TSPOAP1: variants seen among roughly 807,000 people sequenced by gnomAD.
TSPOAP1 encodes the protein TSPO associated protein 1.
In TSPOAP1, 87 loss-of-function variants were observed where a neutral mutation model predicts 197.0. The ratio of observed to expected loss-of-function variants is 0.44; its 90% CI spans 0.37 to 0.53. TSPOAP1 has a LOEUF of 0.53. TSPOAP1 is among the 20% of genes least tolerant of loss of function. The pLI, the probability that TSPOAP1 is intolerant of heterozygous loss-of-function variation, is 0.00. For synonymous variants in TSPOAP1, 913 were observed against 998.9 expected (o/e 0.91, Z 1.62); for missense variants, 2,174 against 2,411.3 (o/e 0.90, Z 2.06).
In TSPOAP1 at chr17:58,318,307, G is replaced by C. The variant is rs200804917; in HGVS notation, c.1845C>G (p.Asn615Lys). Residue 615 changes from asparagine to lysine, a missense_variant, in exon 14 of 32, where the codon AAC becomes AAG. By Grantham distance (94) the Asn-to-Lys change is moderately conservative. This residue lies in a region of TSPOAP1 where 1,933 missense variants were observed against 2,139.0 expected (regional missense o/e 0.90). Transcript: ENST00000343736. Reference sequence around the variant, plus strand: ...CAGGTGTAGGGCATGACTTGGGGCTGTTGTGGATGGACTCGGAGTGGGAGG... The same window carrying C: ...CAGGTGTAGGGCATGACTTGGGGCTCTTGTGGATGGACTCGGAGTGGGAGG... ...SNSSHSESIH[N>K]SPKSCPTPEV... 10 of 1,614,112 alleles carry C rather than the reference G, an allele frequency of 6.2e-6. No homozygotes were observed. Among genetic ancestry groups the C allele is most frequent in the Non-Finnish European group, 8.5e-6 (10 of 1,180,036 alleles).
In TSPOAP1 at chr17:58,301,513, G is replaced by T. The variant is rs1340044315; in HGVS notation, c.*967C>A. The T allele has an allele frequency of 6.5e-6, 1 of 152,698 alleles. No homozygotes were observed. The highest frequency in any genetic ancestry group is 1.5e-5 in the Non-Finnish European group (1 of 68,076). The allele number at this position is 152,698 out of a possible 1,614,324, so 9.5% of individuals were successfully genotyped here. A position where few individuals can be genotyped will look rare whatever the true frequency, so the allele number is the denominator to read the frequency against. ...CCCTGGACTCCAACAGGGGTTAGAA[G>T]AAAACTATGCAAAAGAACTTGAATC... On this transcript the variant is annotated 3_prime_UTR_variant, in exon 32 of 32. Transcript: ENST00000343736.
At position 58,316,483 on chromosome 17, in the gene TSPOAP1, C is replaced by G. The variant is rs980739742; in HGVS notation, c.1930G>C (p.Ala644Pro). ...CCTCCCCGGCTGCCCTCTGGCGCAGCTGGGAGCAGGGAGACACTGTCTGCC... is the reference window on the plus strand; with the variant it reads ...CCTCCCCGGCTGCCCTCTGGCGCAGGTGGGAGCAGGGAGACACTGTCTGCC... ...LEADSVSLLP[A>P]APEGSRGGAR... Residue 644 changes from alanine (A) to proline (P), a missense_variant, in exon 15 of 32, where the codon GCT becomes CCT. This residue lies in a region of TSPOAP1 where 1,933 missense variants were observed against 2,139.0 expected (regional missense o/e 0.90). Coordinates refer to ENST00000343736, the MANE Select transcript of TSPOAP1 (RefSeq NM_004758.4). The G allele has an allele frequency of 1.2e-6, 2 of 1,613,844 alleles. No homozygotes were observed. The highest frequency in any genetic ancestry group is 8.5e-7 in the Non-Finnish European group (1 of 1,179,848).
rs1459674268 is a variant in TSPOAP1 at position 58,326,388 on chromosome 17, C to T, written c.475G>A (p.Val159Met). 2.5e-6 allele frequency: 4 copies of T among 1,613,988 alleles called. No individual in the cohort carries two copies. The highest frequency in any genetic ancestry group is 1.1e-5 in the South Asian group (1 of 91,084). ...GCGTTCTTCCTCTTCAGCCTCCGCA[C>T]CTTCTCTTCTGTCTCAGGGAAGCTG... Reference protein sequence around the residue: ...KSSFPETEEKVRRLKRKNAEL... With the variant: ...KSSFPETEEKMRRLKRKNAEL... Residue 159 changes from valine (V) to methionine (M), a missense_variant, in exon 3 of 32, where the codon GTG becomes ATG. Val to Met is a conservative substitution (Grantham distance 21). This residue lies in a region of TSPOAP1 where 1,933 missense variants were observed against 2,139.0 expected (regional missense o/e 0.90). Coordinates refer to ENST00000343736, the MANE Select transcript of TSPOAP1 (RefSeq NM_004758.4). The surrounding 1 kb of genome is among the most constrained non-coding windows in gnomAD (Gnocchi z 4.7).
In TSPOAP1 at chr17:58,326,768, C is replaced by A; in HGVS notation, c.356G>T (p.Gly119Val). The change falls in exon 2 of 32, where the codon GGG becomes GTG. Residue 119 changes from glycine to valine, a missense_variant. Physicochemically the swap from Gly to Val is moderately radical, Grantham distance 109. This residue lies in a region of TSPOAP1 where 1,933 missense variants were observed against 2,139.0 expected (regional missense o/e 0.90). Transcript: ENST00000343736. The surrounding 1 kb of genome is among the most constrained non-coding windows in gnomAD (Gnocchi z 4.7). The part of the protein sequence containing the change: ...FLKAKLNMSF[G>V]DRPNLELLRA... ...CAGCAGCTCCAGATTGGGCCTGTCC[C>A]CAAAGCTCATATTCAGCTTGGCCTG... is the stretch of plus-strand genomic sequence containing the variant. The A allele has an allele frequency of 1.2e-6, 2 of 1,614,088 alleles. No homozygotes were observed. Among genetic ancestry groups the A allele is most frequent in the Non-Finnish European group, 1.7e-6 (2 of 1,180,004 alleles).
chr17:58,320,687 A>G, intron 10 of TSPOAP1, 106 bp from the exon 11 acceptor site: 1 of 850,056 alleles, frequency 1.2e-6, no homozygotes, highest in Non-Finnish European at 1.7e-6. Context: ...CAGGGGAGGA[A>G]GAAGCCGGGA....
chr17:58,304,698 G>A lies in TSPOAP1; in HGVS notation c.5545-299C>T. 1 of 570,118 alleles carries A rather than the reference G, an allele frequency of 1.8e-6. No individual in the cohort carries two copies. The highest frequency in any genetic ancestry group is 2.1e-5 in the South Asian group (1 of 48,506). The allele number at this position is 570,118 out of a possible 1,614,324, so 35.3% of individuals were successfully genotyped here. On this transcript the variant is annotated intron_variant, in intron 30 of 31. Coordinates refer to ENST00000343736, the MANE Select transcript of TSPOAP1 (RefSeq NM_004758.4). This position sits in a 1 kb window ranked among gnomAD's most constrained non-coding sequence, Gnocchi z 4.2. ...CTTCCAAAGGCACCTGGGAGGTATG[G>A]AGACCACCCCCAGGGTGGGAGTGTC...
intron 16 of TSPOAP1, among the ~76,000 whole-genome samples, chr17:58,314,305 C>T (rs1971153601): frequency 6.6e-6 from 1 of 152,230 alleles, no homozygotes; most frequent in South Asian, 2.1e-4. Flanking sequence ...CGCCCAAAAA[C>T]ATGTCCATGT....
intron 10 of TSPOAP1, 94 bp from the exon 11 acceptor site, chr17:58,320,675 G>T: frequency 2.0e-6 from 2 of 997,756 alleles, no homozygotes; most frequent in Non-Finnish European, 2.7e-6. Flanking sequence ...AAAGGACAGA[G>T]GCAGGGGAGG....
Position 58,326,966 on chromosome 17 carries a change from A to C in TSPOAP1, c.334-176T>G, listed in dbSNP as rs539555386. 1.1e-4 allele frequency among the ~76,000 whole-genome samples: 16 copies of C among 152,216 alleles called. No individual in the cohort carries two copies. The highest frequency in any genetic ancestry group is 8.5e-4 in the Admixed American group (13 of 15,296). On this transcript the variant is annotated intron_variant, in intron 1 of 31. Coordinates refer to ENST00000343736, the MANE Select transcript of TSPOAP1 (RefSeq NM_004758.4). The surrounding 1 kb of genome is among the most constrained non-coding windows in gnomAD (Gnocchi z 4.7). ...GGAGGCCTAGGAGAAGGAACTGTCC[A>C]GTCCTCCCTGTCCACATAGACACCC...
rs1567850302 is a variant in TSPOAP1 at position 58,323,557 on chromosome 17, CA to C, written c.943-13del. ...TCCTGGGGCGTGGCCTGGAAATGCC[CA>C]GGGGCAAGGGGCTGGCACCTGAGAA... On this transcript the variant is annotated splice_polypyrimidine_tract_variant and intron_variant, in intron 5 of 31. Coordinates refer to ENST00000343736, the MANE Select transcript of TSPOAP1 (RefSeq NM_004758.4). 1 of 1,612,760 alleles carries C rather than the reference CA, an allele frequency of 6.2e-7. No individual in the cohort carries two copies. The highest frequency in any genetic ancestry group is 8.5e-7 in the Non-Finnish European group (1 of 1,179,246).
intron 13 of TSPOAP1, 129 bp from the exon 14 acceptor site, chr17:58,318,581 TAG>T (rs1367792795): frequency 2.2e-6 from 2 of 913,634 alleles, no homozygotes; most frequent in Non-Finnish European, 1.6e-6. Flanking sequence ...GGGAAATATT[TAG>T]AGAGAAACTT....
At chr17:58,305,716 C>T in intron 27 of TSPOAP1, 73 bp from the exon 28 acceptor site, 3 of 1,437,614 alleles carry the variant, frequency 2.1e-6, no homozygotes, top group Non-Finnish European at 1.9e-6. Context: ...CTGCCCCGGA[C>T]CCCTGCTGAC....
At chr17:58,319,971 C>G (rs113383109) in intron 12 of TSPOAP1, 138 bp downstream of exon 12, 3 of 1,157,384 alleles carry the variant, frequency 2.6e-6, no homozygotes, top group Admixed American at 1.9e-5. Context: ...GGGAACTCCA[C>G]CCCCTATGGA....
chr17:58,327,869 G>C lies in TSPOAP1; in HGVS notation c.52C>G (p.Pro18Ala). The C allele has an allele frequency of 6.2e-7, 1 of 1,611,336 alleles. No individual in the cohort carries two copies. Among genetic ancestry groups the C allele is most frequent in the South Asian group, 1.1e-5 (1 of 91,040 alleles). ...CTATGCCAGGTGGGCAGTGCCCATG[G>C]CTCCATGGCTCCAGGGTCCCCAGGC... ...PRPGDPGAME[P>A]WALPTWHSWT... Residue 18 changes from proline (P) to alanine (A), a missense_variant, in exon 1 of 32, where the codon CCA (proline) becomes GCA (alanine). Transcript: ENST00000343736.
chr17:58,307,963 T>C, intron 22 of TSPOAP1, 22 bp from the exon 23 acceptor site: 1 of 1,594,378 alleles, frequency 6.3e-7, no homozygotes, highest in Non-Finnish European at 8.5e-7. Flanking sequence ...GGGCAACAGA[T>C]GGCAAAAGTA....
At position 58,324,756 on chromosome 17, in the gene TSPOAP1, G is replaced by C; in HGVS notation, c.942+55C>G. ...CGGTGCAGGGGAGATCCCGGTGGTC[G>C]TTCCCCCCACCCATCTGCACGCACC... On this transcript the variant is annotated intron_variant, in intron 5 of 31. Coordinates refer to ENST00000343736, the MANE Select transcript of TSPOAP1 (RefSeq NM_004758.4). This position sits in a 1 kb window ranked among gnomAD's most constrained non-coding sequence, Gnocchi z 5.8. The C allele has an allele frequency of 7.3e-7, 1 of 1,369,734 alleles. No individual in the cohort carries two copies. The highest frequency in any genetic ancestry group is 1.5e-5 in the South Asian group (1 of 64,644). The allele number at this position is 1,369,734 out of a possible 1,614,324, so 84.8% of individuals were successfully genotyped here. A position where few individuals can be genotyped will look rare whatever the true frequency, so the allele number is the denominator to read the frequency against.
rs564561347 is a variant in TSPOAP1 at position 58,324,435 on chromosome 17, G to A, written c.942+376C>T. On this transcript the variant is annotated intron_variant, in intron 5 of 31. Transcript: ENST00000343736. This position sits in a 1 kb window ranked among gnomAD's most constrained non-coding sequence, Gnocchi z 5.8. ...CTGGCCAGCCAGGCGGGCGCTGACG[G>A]GGGCGTCCCCGCTCTACGGCGGCGG... Among the ~76,000 whole-genome samples, 1 of 151,988 alleles carries A rather than the reference G, an allele frequency of 6.6e-6. No individual in the cohort carries two copies. Among genetic ancestry groups the A allele is most frequent in the Non-Finnish European group, 1.5e-5 (1 of 67,952 alleles).
At position 58,319,141 on chromosome 17, in the gene TSPOAP1, G is replaced by A. The variant is rs1024551990; in HGVS notation, c.1648C>T (p.Pro550Ser). The change falls in exon 13 of 32, where the codon CCC (proline) becomes TCC (serine). Residue 550 changes from proline to serine, a missense_variant. Transcript: ENST00000343736. ...TGGGGAATGGAGCAGCAGCAGGGGGGTGGTGGGCAGTCTCCAAGGCTCCCA... is the reference window on the plus strand; with the variant it reads ...TGGGGAATGGAGCAGCAGCAGGGGGATGGTGGGCAGTCTCCAAGGCTCCCA... The part of the protein sequence containing the change: ...DCGSLGDCPP[P>S]PCCCSIPQPC... 6.4e-7 allele frequency: 1 copy of A among 1,552,090 alleles called. No homozygotes were observed. Among genetic ancestry groups the A allele is most frequent in the Non-Finnish European group, 8.7e-7 (1 of 1,146,070 alleles).
chr17:58,303,568 G>C (rs527898077), intron 31 of TSPOAP1: 1 of 152,352 alleles, frequency 6.6e-6, no homozygotes, highest in Non-Finnish European at 1.5e-5. Flanking sequence ...GGTTGTTAGG[G>C]AAACAAAAGG....
Sources: allele counts gnomAD v4.1 joint callset (sites outside exome capture counted in the v4.1 genomes callset), GRCh38; gene constraint gnomAD v4.1.1; regional missense constraint gnomAD v4.1.1; non-coding constraint Gnocchi (gnomAD v3.1); transcripts MANE v1.5; gene names NCBI Gene and HGNC (gene_info 2026-07-23, HGNC 2026-07-21).